MED12L: variants seen among roughly 807,000 people sequenced by gnomAD.
MED12L encodes the protein mediator of RNA polymerase II transcription subunit 12-like protein.
In MED12L, 60 loss-of-function variants were observed where a neutral mutation model predicts 281.3. The ratio of observed to expected loss-of-function variants is 0.21; its 90% CI spans 0.17 to 0.26. The LOEUF is 0.26. Ranked by LOEUF, MED12L falls within the 10% of genes least tolerant of loss-of-function variation. MED12L has a pLI of 1.00. For synonymous variants in MED12L, 974 were observed against 987.2 expected, an observed-to-expected ratio of 0.99 and a Z score of 0.25; for missense variants, 2,146 against 2,680.9, an observed-to-expected ratio of 0.80 and a Z score of 4.41.
intron 16 of MED12L, among the ~76,000 whole-genome samples, chr3:151,245,277 G>A (rs891831363): frequency 7.9e-5 from 12 of 152,100 alleles, no homozygotes; most frequent in African/African-American, 2.9e-4. Flanking sequence ...TATGAGGCCA[G>A]CATCATTCTG....
rs190528109 is a variant in MED12L at position 151,343,953 on chromosome 3, T to C, written c.2251-6106T>C. ...CTAAATGTGGTCATTTTGACATTAA[T>C]ATTTTGTTTGAGGGTGTGTATTTTA... is the stretch of plus-strand genomic sequence containing the variant. On this transcript the variant is annotated intron_variant, in intron 16 of 44. Transcript: ENST00000687756. Among the ~76,000 whole-genome samples the C allele has an allele frequency of 9.1e-4, 138 of 152,258 alleles. 2 individuals carry two copies. Among genetic ancestry groups the C allele is most frequent in the Non-Finnish European group, 7.6e-4 (52 of 68,008 alleles).
intron 16 of MED12L, among the ~76,000 whole-genome samples, chr3:151,240,258 G>T (rs1733816969): frequency 6.6e-6 from 1 of 152,162 alleles, no homozygotes; most frequent in Non-Finnish European, 1.5e-5. Context: ...GTTTTTTGTG[G>T]GAATGATGGC....
At chr3:151,330,304 T>C (rs1166285368) in intron 16 of MED12L, among the ~76,000 whole-genome samples, 1 of 152,224 alleles carries the variant, frequency 6.6e-6, no homozygotes, top group East Asian at 1.9e-4. Flanking sequence ...GATAGAGATA[T>C]TATACTCTTT....
At chr3:151,168,225 G>A (rs1402593357) in intron 11 of MED12L, among the ~76,000 whole-genome samples, 3 of 152,162 alleles carry the variant, frequency 2.0e-5, no homozygotes, top group Admixed American at 6.5e-5. Flanking sequence ...TGAGCCATTA[G>A]GGTGCAAGAA....
chr3:151,207,656 A>T (rs1198325306), intron 16 of MED12L, among the ~76,000 whole-genome samples: 1 of 152,154 alleles, frequency 6.6e-6, no homozygotes, highest in Non-Finnish European at 1.5e-5. Context: ...TATTAGGTGA[A>T]TCTACCAACA....
At chr3:151,207,454 G>A (rs574140019) in intron 16 of MED12L, among the ~76,000 whole-genome samples, 1 of 151,616 alleles carries the variant, frequency 6.6e-6, no homozygotes, top group South Asian at 2.1e-4. Context: ...GCTACAAGGT[G>A]GCATGCTTGG....
intron 42 of MED12L, among the ~76,000 whole-genome samples, chr3:151,414,069 C>T (rs757894071): frequency 3.5e-4 from 54 of 152,132 alleles, no homozygotes; most frequent in Non-Finnish European, 6.9e-4. Context: ...CCAGGCTGGT[C>T]TCAAACTCCT....
At chr3:151,121,286 A>T (rs1713711899) in intron 3 of MED12L, among the ~76,000 whole-genome samples, 1 of 152,200 alleles carries the variant, frequency 6.6e-6, no homozygotes, top group Non-Finnish European at 1.5e-5. Flanking sequence ...AGAAATCACA[A>T]ACTGCAATGA....
chr3:151,382,739 A>G lies in MED12L; in HGVS notation c.4674A>G (p.Leu1558=), dbSNP rs763410012. The G allele has an allele frequency of 6.2e-7, 1 of 1,608,406 alleles. No individual in the cohort carries two copies. The highest frequency in any genetic ancestry group is 2.3e-5 in the East Asian group (1 of 44,434). ...TGCACGAAGCATTGCAACTCCGCCT[A>G]AATTTGGTAAGTGACATTTCTAGTA... is the stretch of plus-strand genomic sequence containing the variant. The part of the protein sequence containing the change: ...QMMHEALQLR[L]NLVGGMFDTV... The change falls in exon 33 of 45, where the codon CTA becomes CTG. Residue 1558 remains leucine (L), a synonymous_variant. Coordinates refer to ENST00000687756, the MANE Select transcript of MED12L (RefSeq NM_001393769.1).
At chr3:151,407,865 A>G (rs1716510365) in intron 39 of MED12L, among the ~76,000 whole-genome samples, 1 of 151,944 alleles carries the variant, frequency 6.6e-6, no homozygotes, top group South Asian at 2.1e-4. Flanking sequence ...TGGCCACGTG[A>G]TTTTTTTTGT....
intron 39 of MED12L, among the ~76,000 whole-genome samples, chr3:151,395,622 G>A (rs1313796809): frequency 6.6e-6 from 1 of 152,192 alleles, no homozygotes; most frequent in Non-Finnish European, 1.5e-5. Flanking sequence ...TGGTCATGCA[G>A]TATTTTGATA....
intron 16 of MED12L, among the ~76,000 whole-genome samples, chr3:151,313,796 C>T (rs985487125): frequency 4.0e-5 from 6 of 151,834 alleles, no homozygotes; most frequent in African/African-American, 1.2e-4. Flanking sequence ...TGGTGGTGGG[C>T]GCCTATAATC....
At chr3:151,386,921 C>G (rs1011568738) in intron 36 of MED12L, among the ~76,000 whole-genome samples, 2 of 152,066 alleles carry the variant, frequency 1.3e-5, no homozygotes, top group African/African-American at 4.8e-5. Flanking sequence ...GTTGGCCAGG[C>G]TGGTCTCAAA....
intron 16 of MED12L, among the ~76,000 whole-genome samples, chr3:151,248,075 A>C (rs1577114007): frequency 6.7e-6 from 1 of 149,968 alleles, no homozygotes; most frequent in East Asian, 2.0e-4. Flanking sequence ...TTACTACATA[A>C]TTTATAGAAA....
intron 16 of MED12L, among the ~76,000 whole-genome samples, chr3:151,249,923 T>C (rs1736505987): frequency 6.6e-6 from 1 of 152,198 alleles, no homozygotes; most frequent in South Asian, 2.1e-4. Context: ...GCATCAACTT[T>C]TCCCATTTTA....
At position 151,213,817 on chromosome 3, in the gene MED12L, A is replaced by G. The variant is rs149367748; in HGVS notation, c.2250+20151A>G. 7.5e-5 allele frequency: 121 copies of G among 1,614,108 alleles called. 1 individual carries two copies. In the African/African-American group the frequency reaches 1.3e-3, roughly 17 times the overall value. The stretch of plus-strand genomic sequence containing the variant: ...CAGTTCTATACATTTTATTTGTGTA[A>G]CCTCCCTAACACTCTGGTTGGTGAG... On this transcript the variant is annotated intron_variant, in intron 16 of 44. Coordinates refer to ENST00000687756, the MANE Select transcript of MED12L (RefSeq NM_001393769.1).
At chr3:151,352,598 A>T (rs999872366) in intron 17 of MED12L, among the ~76,000 whole-genome samples, 1 of 151,814 alleles carries the variant, frequency 6.6e-6, no homozygotes, top group Non-Finnish European at 1.5e-5. Flanking sequence ...GTTAGCATGT[A>T]TTTGATTTCT....
chr3:151,295,272 G>T, intron 16 of MED12L: 1 of 1,188,858 alleles, frequency 8.4e-7, no homozygotes, highest in South Asian at 1.4e-5. Flanking sequence ...CAGGCTACTA[G>T]GTTCCCTTAC....
chr3:151,328,821 T>C, intron 16 of MED12L: 1 of 1,613,896 alleles, frequency 6.2e-7, no homozygotes, highest in African/African-American at 1.3e-5. Flanking sequence ...AGGTAGATGA[T>C]GAAGGTGGAG....
Sources: gnomAD v4.1 joint callset for allele counts (sites outside exome capture counted in the v4.1 genomes callset) on GRCh38, gnomAD v4.1.1 for gene constraint, MANE v1.5 for transcripts, NCBI Gene and HGNC (gene_info 2026-07-23, HGNC 2026-07-21) for gene names.